The following GPR21 variants were observed in gnomAD, a reference collection of about 807,000 sequenced individuals.
The protein encoded by GPR21 is G protein-coupled receptor 21, also known as probable G protein-coupled receptor 21.
In GPR21, 9 loss-of-function variants were observed where a neutral mutation model predicts 21.5. The observed-to-expected ratio is 0.42, with a 90% confidence interval of 0.25 to 0.73. The LOEUF (loss-of-function observed/expected upper bound fraction) is 0.73. GPR21 is among the 30% of genes least tolerant of loss of function. The probability of loss-of-function intolerance (pLI) is 0.27; values close to 1 mark genes in which losing one functional copy is unlikely to be tolerated. For synonymous variants in GPR21, 169 were observed against 159.3 expected, an observed-to-expected ratio of 1.06 and a Z score of -0.46; for missense variants, 416 against 428.9, an observed-to-expected ratio of 0.97 and a Z score of 0.27.
chr9:123,046,221 G>A, the GPR21 span, among the ~76,000 whole-genome samples: 1 of 152,206 alleles, frequency 6.6e-6, no homozygotes, highest in Non-Finnish European at 1.5e-5. Context: ...TTCATCAAGG[G>A]AATAATAAGT....
Position 123,034,247 on chromosome 9 carries a change from C to T in GPR21, c.-320C>T. ...CCTTCTCTTCTACCCTTTCCCCCTA[C>T]CCTCACTTGGCCTGAAGACGTTCTC... On this transcript the variant is annotated 5_prime_UTR_variant, in exon 2 of 2. Transcript: ENST00000616002. 1 of 379,186 alleles carries T rather than the reference C, an allele frequency of 2.6e-6. No individual in the cohort carries two copies. The allele number at this position is 379,186 out of a possible 1,614,324, so 23.5% of individuals were successfully genotyped here.
the GPR21 span, among the ~76,000 whole-genome samples, chr9:123,047,610 A>G: frequency 6.6e-6 from 1 of 152,144 alleles, no homozygotes; most frequent in African/African-American, 2.4e-5. Context: ...TTTGATACTT[A>G]TTAAGATTCT....
downstream of GPR21, among the ~76,000 whole-genome samples, chr9:123,040,160 A>G (rs1210162529): frequency 6.6e-6 from 1 of 152,212 alleles, no homozygotes; most frequent in Non-Finnish European, 1.5e-5. Context: ...TTCTGTGATT[A>G]TCTGTCTTCC....
chr9:123,048,015 T>C, the GPR21 span, among the ~76,000 whole-genome samples: 1 of 128,864 alleles, frequency 7.8e-6, no homozygotes, highest in African/African-American at 3.0e-5. Context: ...CTCGGCCCAC[T>C]GCGAACCTCC....
downstream of GPR21, among the ~76,000 whole-genome samples, chr9:123,037,148 G>A (rs1260527118): frequency 1.3e-5 from 2 of 152,138 alleles, no homozygotes; most frequent in Non-Finnish European, 2.9e-5. Flanking sequence ...AAACCCAGGG[G>A]ACATGGGTTA....
In GPR21 at chr9:123,035,075, A is replaced by T; in HGVS notation, c.509A>T (p.Lys170Ile). 6.2e-7 allele frequency: 1 copy of T among 1,614,098 alleles called. No individual in the cohort carries two copies. The highest frequency in any genetic ancestry group is 8.5e-7 in the Non-Finnish European group (1 of 1,180,008). ...CTGCCTTCCTTTTTCCACTGGGGCA[A>T]ACCTGGATATCATGGAGATGTGTTT... ...VFLPSFFHWG[K>I]PGYHGDVFQW... is the part of the protein sequence containing the mutation. The change falls in exon 2 of 2, where the codon AAA becomes ATA. Residue 170 changes from lysine to isoleucine, a missense_variant. Physicochemically the swap from Lys to Ile is moderately radical, Grantham distance 102. Coordinates refer to ENST00000616002, the MANE Select transcript of GPR21 (RefSeq NM_005294.3).
chr9:123,034,682 C>T lies in GPR21; in HGVS notation c.116C>T (p.Thr39Ile), dbSNP rs1404828426. 1.2e-6 allele frequency: 2 copies of T among 1,612,564 alleles called. No homozygotes were observed. The highest frequency in any genetic ancestry group is 2.7e-5 in the African/African-American group (2 of 74,912). ...LLEVLIIVFLTVLIISGNIIV... is the reference protein window; with the variant it reads ...LLEVLIIVFLIVLIISGNIIV... ...GAAGTATTGATTATTGTCTTTCTAACTGTATTGATTATTTCTGGCAACATC... is the reference window on the plus strand; with the variant it reads ...GAAGTATTGATTATTGTCTTTCTAATTGTATTGATTATTTCTGGCAACATC... Residue 39 changes from threonine (T) to isoleucine (I), a missense_variant, in exon 2 of 2, where the codon ACT (threonine) becomes ATT (isoleucine). Coordinates refer to ENST00000616002, the MANE Select transcript of GPR21 (RefSeq NM_005294.3).
In GPR21 at chr9:123,034,864, T is replaced by G; in HGVS notation, c.298T>G (p.Leu100Val). The G allele has an allele frequency of 6.2e-7, 1 of 1,614,136 alleles. No homozygotes were observed. The highest frequency in any genetic ancestry group is 8.5e-7 in the Non-Finnish European group (1 of 1,179,976). ...LHHPLPVEES[L>V]TCQIFGFVVS... is the part of the protein sequence containing the mutation. ...TCACCCCCTTCCAGTAGAGGAGTCC[T>G]TGACTTGCCAGATATTTGGTTTTGT... is the stretch of plus-strand genomic sequence containing the variant. The change falls in exon 2 of 2, where the codon TTG becomes GTG. Residue 100 changes from leucine (L) to valine (V), a missense_variant. By Grantham distance (32) the Leu-to-Val change is conservative. Transcript: ENST00000616002.
the GPR21 span, among the ~76,000 whole-genome samples, chr9:123,042,775 C>A: frequency 6.6e-6 from 1 of 152,068 alleles, no homozygotes; most frequent in African/African-American, 2.4e-5. Flanking sequence ...TAATAAATAT[C>A]ACAAGAAAAT....
the GPR21 span, among the ~76,000 whole-genome samples, chr9:123,042,474 A>G: frequency 6.6e-6 from 1 of 152,256 alleles, no homozygotes; most frequent in African/African-American, 2.4e-5. Context: ...ACCCAACTGT[A>G]ACTAACATTC....
chr9:123,039,217 G>C (rs1049254315), downstream of GPR21, among the ~76,000 whole-genome samples: 12 of 152,116 alleles, frequency 7.9e-5, no homozygotes, highest in Non-Finnish European at 1.5e-4. Context: ...TCCCAGACTT[G>C]AGAAGAGAAG....
chr9:123,040,025 A>G (rs1424890420), downstream of GPR21, among the ~76,000 whole-genome samples: 1 of 152,210 alleles, frequency 6.6e-6, no homozygotes, highest in African/African-American at 2.4e-5. Flanking sequence ...TAAGCAATCA[A>G]GAAGCACTTA....
downstream of GPR21, among the ~76,000 whole-genome samples, chr9:123,037,050 T>G (rs2032702025): frequency 6.6e-6 from 1 of 152,176 alleles, no homozygotes. Context: ...GTTCTGGAAG[T>G]CTTCAAGGGA....
chr9:123,045,654 G>T, the GPR21 span, among the ~76,000 whole-genome samples: 2 of 152,138 alleles, frequency 1.3e-5, no homozygotes, highest in Non-Finnish European at 2.9e-5. Flanking sequence ...ATAGGAGTTG[G>T]TTTAAGATCA....
chr9:123,045,951 G>A, the GPR21 span, among the ~76,000 whole-genome samples: 25 of 152,174 alleles, frequency 1.6e-4, no homozygotes, highest in Non-Finnish European at 3.4e-4. Context: ...CCACACAGAG[G>A]TCAGATTCTT....
the GPR21 span, among the ~76,000 whole-genome samples, chr9:123,046,845 T>G: frequency 1.6e-4 from 24 of 152,142 alleles, no homozygotes; most frequent in Non-Finnish European, 2.8e-4. Context: ...TCTGAGAAAA[T>G]GAATGACATA....
downstream of GPR21, among the ~76,000 whole-genome samples, chr9:123,040,011 A>G (rs1369670635): frequency 6.6e-6 from 1 of 152,176 alleles, no homozygotes; most frequent in Admixed American, 6.5e-5. Flanking sequence ...TTTTAGGGAA[A>G]GTTTAAGCAA....
chr9:123,041,308 C>G, the GPR21 span, among the ~76,000 whole-genome samples: 4 of 152,148 alleles, frequency 2.6e-5, no homozygotes, highest in African/African-American at 9.7e-5. Context: ...AGCCTATGTT[C>G]TTGCCTTAAT....
chr9:123,039,281 AT>A (rs2032831168), downstream of GPR21, among the ~76,000 whole-genome samples: 1 of 152,142 alleles, frequency 6.6e-6, no homozygotes, highest in Non-Finnish European at 1.5e-5. Context: ...TCAACATAAA[AT>A]TGCTTTGATT....
Sources: allele counts gnomAD v4.1 joint callset (sites outside exome capture counted in the v4.1 genomes callset), GRCh38; gene constraint gnomAD v4.1.1; transcripts MANE v1.5; gene names NCBI Gene and HGNC (gene_info 2026-07-23, HGNC 2026-07-21).